Variants in MICAL2 observed in about 807,000 individuals in gnomAD.
MICAL2 encodes [F-actin]-monooxygenase MICAL2.
A neutral mutation model predicts 127.3 loss-of-function variants in MICAL2; 77 were observed. That is an observed-to-expected ratio of 0.60 (90% CI 0.50 to 0.73). The LOEUF (loss-of-function observed/expected upper bound fraction) is 0.73. Among genes scored for constraint, MICAL2 ranks in the 30% least tolerant of loss-of-function variants. The probability of loss-of-function intolerance (pLI) is 0.00; values close to 1 mark genes in which losing one functional copy is unlikely to be tolerated. For missense variants in MICAL2, 1,351 were observed against 1,434.4 expected (o/e 0.94, Z 0.94); for synonymous variants, 570 against 551.1 (o/e 1.03, Z -0.48).
At chr11:12,183,608 T>C (rs1857763581) in intron 3 of MICAL2, among the ~76,000 whole-genome samples, 1 of 152,188 alleles carries the variant, frequency 6.6e-6, no homozygotes, top group Non-Finnish European at 1.5e-5. Context: ...AGGGACACTC[T>C]TGCTTCAGGA....
chr11:12,287,183 G>C (rs1042140321), exon 3 of MICAL2: 2 of 398,872 alleles, frequency 5.0e-6, no homozygotes, highest in Non-Finnish European at 4.4e-6. Flanking sequence ...CTAGCTCTCT[G>C]GGGGTGGGAG....
At chr11:12,127,581 G>A (rs1055332861) in intron 1 of MICAL2, among the ~76,000 whole-genome samples, 3 of 152,180 alleles carry the variant, frequency 2.0e-5, no homozygotes, top group African/African-American at 7.2e-5. Flanking sequence ...AGAGTGGTTA[G>A]AGAAGGTTTC....
chr11:12,260,916 C>T, intron 26 of MICAL2: 1 of 985,480 alleles, frequency 1.0e-6, no homozygotes, highest in Non-Finnish European at 1.2e-6. Context: ...ATTTTCCCTT[C>T]CCACTAATGG....
chr11:12,186,454 C>T (rs1028123019), intron 3 of MICAL2, among the ~76,000 whole-genome samples: 1 of 152,236 alleles, frequency 6.6e-6, no homozygotes, highest in East Asian at 1.9e-4. Flanking sequence ...TTTCCACATG[C>T]ACTGTATGTG....
chr11:12,323,851 G>C (rs1052827056), intron 30 of MICAL2: 104 of 1,079,028 alleles, frequency 9.6e-5, no homozygotes, highest in Non-Finnish European at 1.2e-5. Flanking sequence ...ACCAGATGTC[G>C]TTATTTTAGA....
At chr11:12,245,485 C>T (rs1860611750) in intron 21 of MICAL2, among the ~76,000 whole-genome samples, 1 of 152,212 alleles carries the variant, frequency 6.6e-6, no homozygotes, top group Non-Finnish European at 1.5e-5. Flanking sequence ...AAGAAAGGAG[C>T]AAGGAATCTT....
At chr11:12,291,032 G>A (rs1198480365), downstream of MICAL2, among the ~76,000 whole-genome samples, 1 of 152,146 alleles carries the variant, frequency 6.6e-6, no homozygotes, top group Non-Finnish European at 1.5e-5. Flanking sequence ...TACACACCCT[G>A]CAGGAAAATC....
chr11:12,242,843 C>A, intron 20 of MICAL2, 71 bp downstream of exon 20: 5 of 1,153,726 alleles, frequency 4.3e-6, no homozygotes, highest in Non-Finnish European at 6.2e-6. Flanking sequence ...TTGAATCAGG[C>A]TCTGAGCTCA....
Position 12,221,741 on chromosome 11 carries a change from T to G in MICAL2, c.1304T>G (p.Leu435Arg). ...AGCTGGAACCAGGGCACCCCTCCCC[T>G]GGAGCTGCTGGCTGAAAGGTGAGCT... is the stretch of plus-strand genomic sequence containing the variant. ...VKSWNQGTPP[L>R]ELLAERESLY... The change falls in exon 10 of 28, where the codon CTG becomes CGG. Residue 435 changes from leucine (L) to arginine (R), a missense_variant. Leu to Arg is a moderately radical substitution (Grantham distance 102, BLOSUM62 -2). Coordinates refer to ENST00000683283, the MANE Select transcript of MICAL2 (RefSeq NM_001282663.2). The G allele has an allele frequency of 6.2e-7, 1 of 1,613,342 alleles. No individual in the cohort carries two copies. The highest frequency in any genetic ancestry group is 8.5e-7 in the Non-Finnish European group (1 of 1,179,678).
chr11:12,250,518 TCA>T (rs1861403087), intron 22 of MICAL2, among the ~76,000 whole-genome samples: 1 of 152,226 alleles, frequency 6.6e-6, no homozygotes, highest in South Asian at 2.1e-4. Flanking sequence ...AAGTTGAGGC[TCA>T]CAGAAGGGAA....
At chr11:12,352,083 C>G (rs1005225134) in intron 33 of MICAL2, among the ~76,000 whole-genome samples, 1 of 152,176 alleles carries the variant, frequency 6.6e-6, no homozygotes. Flanking sequence ...CCACCATGCT[C>G]AGCCTTATTA....
At chr11:12,141,797 C>T (rs559029319) in intron 2 of MICAL2, among the ~76,000 whole-genome samples, 21 of 152,294 alleles carry the variant, frequency 1.4e-4, no homozygotes, top group African/African-American at 4.1e-4. Context: ...GGTGACCAGA[C>T]ACTTTGGAGA....
chr11:12,280,090 T>A (rs1863756321), intron 1 of MICAL2, among the ~76,000 whole-genome samples: 1 of 152,202 alleles, frequency 6.6e-6, no homozygotes, highest in African/African-American at 2.4e-5. Context: ...TAGGACACCC[T>A]GCCTCCACTT....
downstream of MICAL2, among the ~76,000 whole-genome samples, chr11:12,266,594 A>T (rs78203818): frequency 6.6e-6 from 1 of 152,178 alleles, no homozygotes; most frequent in East Asian, 1.9e-4. Context: ...CCTTGTGGCA[A>T]CCTTGCGGTC....
chr11:12,205,760 A>T (rs12808157), intron 4 of MICAL2, among the ~76,000 whole-genome samples: 20,089 of 152,230 alleles, frequency 0.13, 1,763 homozygotes, highest in Non-Finnish European at 0.18. Context: ...TGTGCTTTGC[A>T]CTATGCCTAG....
At chr11:12,241,431 C>G (rs1317296567) in intron 18 of MICAL2, among the ~76,000 whole-genome samples, 2 of 152,216 alleles carry the variant, frequency 1.3e-5, no homozygotes, top group African/African-American at 2.4e-5. Flanking sequence ...AACTGTACCA[C>G]AGGGTATTTT....
chr11:12,159,941 C>T (rs1302257087), intron 2 of MICAL2, among the ~76,000 whole-genome samples: 1 of 152,192 alleles, frequency 6.6e-6, no homozygotes, highest in Non-Finnish European at 1.5e-5. Flanking sequence ...GGGCACAGAG[C>T]CCCCTTCCCC....
chr11:12,236,262 T>C lies in MICAL2; in HGVS notation c.2064+17T>C, dbSNP rs930549930. 5.0e-6 allele frequency: 8 copies of C among 1,613,066 alleles called. No individual in the cohort carries two copies. The highest frequency in any genetic ancestry group is 4.5e-5 in the East Asian group (2 of 44,894). On this transcript the variant is annotated intron_variant, in intron 16 of 27. Coordinates refer to ENST00000683283, the MANE Select transcript of MICAL2 (RefSeq NM_001282663.2). ...CTGGACGAGGTTTGTGTACACAGTG[T>C]GGCTTTAAACAGAGGCTCGTTTCCT...
chr11:12,249,704 C>T (rs931996405), intron 22 of MICAL2, among the ~76,000 whole-genome samples: 2 of 152,220 alleles, frequency 1.3e-5, no homozygotes, highest in Non-Finnish European at 2.9e-5. Context: ...GCTGCCTTAC[C>T]CACGTGGGCT....
Sources: allele counts gnomAD v4.1 joint callset (sites outside exome capture counted in the v4.1 genomes callset), GRCh38; gene constraint gnomAD v4.1.1; transcripts MANE v1.5; gene names NCBI Gene and HGNC (gene_info 2026-07-23, HGNC 2026-07-21).